The following PIGK variants were observed in gnomAD, a reference collection of about 807,000 sequenced individuals.
PIGK encodes the protein GPI-anchor transamidase.
In PIGK, 42 loss-of-function variants were observed where a neutral mutation model predicts 50.6. That is an observed-to-expected ratio of 0.83 (90% CI 0.65 to 1.07). The LOEUF (loss-of-function observed/expected upper bound fraction) is 1.07. Among genes scored for constraint, PIGK ranks in the 50% least tolerant of loss-of-function variants. The probability of loss-of-function intolerance (pLI) is 0.00; values close to 1 mark genes in which losing one functional copy is unlikely to be tolerated. For synonymous variants in PIGK, 151 were observed against 156.0 expected, an observed-to-expected ratio of 0.97 and a Z score of 0.24; for missense variants, 448 against 488.7, an observed-to-expected ratio of 0.92 and a Z score of 0.78.
rs182154737 is a variant in PIGK at position 77,192,322 on chromosome 1, C to G, written c.239+14318G>C. Among the ~76,000 whole-genome samples, 129 of 152,228 alleles carry G rather than the reference C, an allele frequency of 8.5e-4. 2 individuals carry two copies. The East Asian group carries it at 0.013, about 15-fold the overall frequency. On this transcript the variant is annotated intron_variant, in intron 3 of 10. Coordinates refer to ENST00000370812, the MANE Select transcript of PIGK (RefSeq NM_005482.3). ...AATTAATTAGAAGATATTAACAAAT[C>G]TCAATTAAATGTAATTCAACAATAC...
chr1:77,125,778 T>G (rs941329323), intron 9 of PIGK, among the ~76,000 whole-genome samples: 2 of 152,134 alleles, frequency 1.3e-5, no homozygotes, highest in Admixed American at 6.5e-5. Flanking sequence ...CAAAAAAAGT[T>G]TTATTATAAC....
chr1:77,106,699 A>C (rs1653686742), intron 10 of PIGK, among the ~76,000 whole-genome samples: 1 of 151,904 alleles, frequency 6.6e-6, no homozygotes, highest in Non-Finnish European at 1.5e-5. Context: ...CAGCACGCTA[A>C]TGTTTATTGT....
At chr1:77,125,954 C>T (rs1451251510) in intron 9 of PIGK, among the ~76,000 whole-genome samples, 2 of 151,986 alleles carry the variant, frequency 1.3e-5, no homozygotes, top group African/African-American at 2.4e-5. Flanking sequence ...GAATATCTAT[C>T]TTCCCTTGTC....
intron 5 of PIGK, 96 bp from the exon 6 acceptor site, chr1:77,164,038 G>A (rs1017130648): frequency 4.6e-5 from 29 of 635,192 alleles, no homozygotes; most frequent in South Asian, 3.5e-4. Context: ...TTTTGACATC[G>A]CTTGTTATTT....
chr1:77,191,692 T>C (rs1249174370), intron 3 of PIGK, among the ~76,000 whole-genome samples: 1 of 152,254 alleles, frequency 6.6e-6, no homozygotes, highest in East Asian at 1.9e-4. Context: ...CAGATGTCTA[T>C]TTTTCTTCTG....
intron 10 of PIGK, among the ~76,000 whole-genome samples, chr1:77,111,500 C>A (rs113068853): frequency 6.6e-6 from 1 of 151,448 alleles, no homozygotes; most frequent in African/African-American, 2.4e-5. Context: ...AGCAAACTAT[C>A]GCAAGGACAA....
At chr1:77,197,579 C>T (rs1414565975) in intron 3 of PIGK, among the ~76,000 whole-genome samples, 1 of 152,134 alleles carries the variant, frequency 6.6e-6, no homozygotes, top group African/African-American at 2.4e-5. Context: ...CTCATGTTCT[C>T]GTCACATATA....
chr1:77,186,411 C>T (rs1041200394), intron 3 of PIGK, among the ~76,000 whole-genome samples: 1 of 152,302 alleles, frequency 6.6e-6, no homozygotes, highest in South Asian at 2.1e-4. Flanking sequence ...GAGAAATGGT[C>T]CAATGTGTGA....
intron 1 of PIGK, among the ~76,000 whole-genome samples, chr1:77,218,612 G>A (rs1274152048): frequency 6.6e-6 from 1 of 152,140 alleles, no homozygotes; most frequent in East Asian, 1.9e-4. Context: ...ATTTTCAAAT[G>A]TCTCCTGACT....
chr1:77,101,603 G>A (rs1653542473), intron 10 of PIGK, among the ~76,000 whole-genome samples: 1 of 152,162 alleles, frequency 6.6e-6, no homozygotes. Flanking sequence ...TCTATTAAAT[G>A]CCAATTCATT....
chr1:77,172,748 C>A (rs1270496), intron 3 of PIGK, among the ~76,000 whole-genome samples: 1 of 151,612 alleles, frequency 6.6e-6, no homozygotes, highest in African/African-American at 2.4e-5. Flanking sequence ...ACGGTGAAAC[C>A]CCGTCTCTAC....
intron 4 of PIGK, among the ~76,000 whole-genome samples, chr1:77,167,088 A>C (rs185509132): frequency 6.6e-6 from 1 of 152,210 alleles, no homozygotes. Context: ...ATGCCTATCA[A>C]CTCAGCACTT....
At chr1:77,148,721 G>T (rs1654825397) in intron 9 of PIGK, among the ~76,000 whole-genome samples, 1 of 144,870 alleles carries the variant, frequency 6.9e-6, no homozygotes, top group Non-Finnish European at 1.5e-5. Flanking sequence ...TTGTTTTTTG[G>T]TTTTTTTTTT....
At chr1:77,160,633 T>A (rs944772944) in intron 8 of PIGK, among the ~76,000 whole-genome samples, 5 of 152,204 alleles carry the variant, frequency 3.3e-5, no homozygotes, top group Admixed American at 2.6e-4. Flanking sequence ...TGAAAGTCAT[T>A]GACACATAGT....
chr1:77,194,878 CT>C, intron 3 of PIGK: 1 of 444,984 alleles, frequency 2.2e-6, no homozygotes, highest in Non-Finnish European at 4.4e-6. Context: ...CAAAACCAAC[CT>C]GATATTTCGG....
intron 3 of PIGK, among the ~76,000 whole-genome samples, chr1:77,201,705 C>T (rs1479977392): frequency 6.6e-6 from 1 of 151,874 alleles, no homozygotes; most frequent in Non-Finnish European, 1.5e-5. Context: ...TGCTCCACTG[C>T]ACTCCAGCCT....
In PIGK at chr1:77,154,599, A is replaced by C; in HGVS notation, c.836T>G (p.Leu279Arg). 6.2e-7 allele frequency: 1 copy of C among 1,612,244 alleles called. No homozygotes were observed. The highest frequency in any genetic ancestry group is 8.5e-7 in the Non-Finnish European group (1 of 1,178,618). The change falls in exon 9 of 11, where the codon CTG (leucine) becomes CGG (arginine). Residue 279 changes from leucine (L) to arginine (R), a missense_variant. By Grantham distance (102) the Leu-to-Arg change is moderately radical. Coordinates refer to ENST00000370812, the MANE Select transcript of PIGK (RefSeq NM_005482.3). ...NDLFQVCPKS[L>R]CVSTPGHRTD... ...GCGATGTCCAGGAGTAGACACACAC[A>C]GACTTTTGGGACATACCTGAAACTG...
At chr1:77,185,853 G>A (rs539464666) in intron 3 of PIGK, among the ~76,000 whole-genome samples, 2 of 152,206 alleles carry the variant, frequency 1.3e-5, no homozygotes, top group Non-Finnish European at 2.9e-5. Context: ...TTTGGAGCAA[G>A]GCCCTGCCAT....
At chr1:77,128,153 C>T (rs1452863490) in intron 9 of PIGK, among the ~76,000 whole-genome samples, 1 of 152,176 alleles carries the variant, frequency 6.6e-6, no homozygotes, top group Non-Finnish European at 1.5e-5. Flanking sequence ...GAGATCCCCT[C>T]CAAACTCCCT....
Sources: gnomAD v4.1 joint callset for allele counts (sites outside exome capture counted in the v4.1 genomes callset) on GRCh38, gnomAD v4.1.1 for gene constraint, MANE v1.5 for transcripts, NCBI Gene and HGNC (gene_info 2026-07-23, HGNC 2026-07-21) for gene names.